The following C10orf67 variants were observed in gnomAD, a reference collection of about 807,000 sequenced individuals.
The protein encoded by C10orf67 is chromosome 10 open reading frame 67.
A neutral mutation model predicts 35.6 loss-of-function variants in C10orf67; 60 were observed. That is an observed-to-expected ratio of 1.68 (90% CI 1.37 to 2.09). The LOEUF is 2.09. Ranked by LOEUF, C10orf67 falls within the 30% of genes most tolerant of loss-of-function variation. C10orf67 has a pLI of 0.00. For synonymous variants in C10orf67, 167 were observed against 115.8 expected (o/e 1.44, Z -2.84); for missense variants, 474 against 330.2 (o/e 1.44, Z -3.38).
intron 13 of C10orf67, among the ~76,000 whole-genome samples, chr10:23,231,951 C>T (rs577614905): frequency 2.2e-4 from 33 of 151,390 alleles, no homozygotes; most frequent in Middle Eastern, 3.4e-3. Context: ...GCTTAAAAAC[C>T]GGCAAAATTC....
chr10:23,266,553 A>G, intron 9 of C10orf67, 127 bp from the exon 10 acceptor site: 2 of 395,982 alleles, frequency 5.1e-6, no homozygotes, highest in Non-Finnish European at 4.4e-6. Flanking sequence ...CCTAGAGCGC[A>G]TGGATTTGTT....
chr10:23,236,777 T>C (rs1377839442), intron 13 of C10orf67, among the ~76,000 whole-genome samples: 1 of 152,092 alleles, frequency 6.6e-6, no homozygotes, highest in East Asian at 1.9e-4. Context: ...CTCAGGAGGC[T>C]GAGGCAGGAG....
chr10:23,213,475 A>G (rs773528890), intron 15 of C10orf67, among the ~76,000 whole-genome samples: 18 of 152,190 alleles, frequency 1.2e-4, no homozygotes, highest in Non-Finnish European at 2.4e-4. Context: ...TATAATCCTA[A>G]GTAGAGGCTC....
chr10:23,317,455 G>C (rs1229514536), intron 4 of C10orf67: 1 of 152,222 alleles, frequency 6.6e-6, no homozygotes, highest in Non-Finnish European at 1.5e-5. Flanking sequence ...CTCAGAAGGT[G>C]AGCACCACTC....
At chr10:23,340,126 T>A (rs1845823686) in intron 1 of C10orf67, among the ~76,000 whole-genome samples, 1 of 151,960 alleles carries the variant, frequency 6.6e-6, no homozygotes, top group South Asian at 2.1e-4. Context: ...TTTTTACCAA[T>A]TTTTTTTCAG....
intron 8 of C10orf67, among the ~76,000 whole-genome samples, chr10:23,277,836 A>T (rs1843237255): frequency 6.6e-6 from 1 of 152,160 alleles, no homozygotes; most frequent in South Asian, 2.1e-4. Flanking sequence ...TGGGTAATTT[A>T]TAGAGAAAAG....
rs1288256551 is a variant in C10orf67, at chr10:23,333,055, G to T, written c.327+7C>A. On this transcript the variant is annotated splice_region_variant and intron_variant, in intron 2 of 15. Transcript: ENST00000636213. ...TCTCAGAAGTTTCAGAACAAATTCA[G>T]ATTTACCTGTGCTAACTTTTGCGTA... is the stretch of plus-strand genomic sequence containing the variant. The T allele has an allele frequency of 6.2e-6, 10 of 1,608,318 alleles. No individual in the cohort carries two copies. The highest frequency in any genetic ancestry group is 5.1e-5 in the Admixed American group (3 of 58,610).
At chr10:23,310,346 G>A (rs969677308) in intron 4 of C10orf67, among the ~76,000 whole-genome samples, 1 of 152,180 alleles carries the variant, frequency 6.6e-6, no homozygotes, top group Non-Finnish European at 1.5e-5. Context: ...AGATTTGGCA[G>A]TCTGCAGTGG....
chr10:23,268,025 T>C (rs1842927206), intron 8 of C10orf67, among the ~76,000 whole-genome samples: 1 of 152,162 alleles, frequency 6.6e-6, no homozygotes, highest in Non-Finnish European at 1.5e-5. Flanking sequence ...CAGTGGCTTA[T>C]GCCTGTAATC....
chr10:23,334,411 G>T (rs1845594650), intron 1 of C10orf67, among the ~76,000 whole-genome samples: 1 of 152,218 alleles, frequency 6.6e-6, no homozygotes, highest in Non-Finnish European at 1.5e-5. Flanking sequence ...AACCACAAAA[G>T]CCCAAGTAGA....
intron 13 of C10orf67, among the ~76,000 whole-genome samples, chr10:23,225,127 G>T (rs972411319): frequency 6.6e-6 from 1 of 152,108 alleles, no homozygotes; most frequent in Admixed American, 6.5e-5. Context: ...GAGAAAGGTC[G>T]GGTTACCCAC....
At chr10:23,252,043 A>C (rs1312532078) in intron 10 of C10orf67, among the ~76,000 whole-genome samples, 1 of 152,214 alleles carries the variant, frequency 6.6e-6, no homozygotes, top group Non-Finnish European at 1.5e-5. Context: ...TAAAAAATGC[A>C]TTTTATTATA....
intron 6 of C10orf67, 65 bp from the exon 7 acceptor site, chr10:23,290,023 G>A: frequency 2.8e-6 from 2 of 708,972 alleles, no homozygotes; most frequent in East Asian, 5.4e-5. Flanking sequence ...TATTTAAACG[G>A]CCTGCTTCAG....
chr10:23,238,790 C>CTA (rs773942696), intron 13 of C10orf67, among the ~76,000 whole-genome samples: 2 of 152,098 alleles, frequency 1.3e-5, no homozygotes, highest in Non-Finnish European at 2.9e-5. Context: ...AAAAAAGACA[C>CTA]TATATATATT....
Position 23,307,608 on chromosome 10 carries a change from GTT to G in C10orf67, c.547-4151_547-4150del, listed in dbSNP as rs56738859. On this transcript the variant is annotated intron_variant, in intron 4 of 15. Coordinates refer to ENST00000636213, the MANE Select transcript of C10orf67 (RefSeq NM_001371909.1). ...TTTATTTATTTAGATTTTTTATTTA[GTT>G]TTTTTTTTTTTTTTTTAAGACAGGG... Among the ~76,000 whole-genome samples, 198 of 135,732 alleles carry G rather than the reference GTT, an allele frequency of 1.5e-3. 1 individual carries two copies. The highest frequency in any genetic ancestry group is 0.011 in the Middle Eastern group (3 of 266). The allele number at this position is 135,732 out of a possible 152,430, so 89.0% of individuals were successfully genotyped here.
At chr10:23,329,900 A>G (rs1845379013) in intron 2 of C10orf67, among the ~76,000 whole-genome samples, 1 of 152,138 alleles carries the variant, frequency 6.6e-6, no homozygotes, top group South Asian at 2.1e-4. Context: ...CAAATAATGC[A>G]GAAATGCAAA....
chr10:23,224,649 C>A (rs1182068261), intron 13 of C10orf67, among the ~76,000 whole-genome samples: 1 of 152,122 alleles, frequency 6.6e-6, no homozygotes, highest in Non-Finnish European at 1.5e-5. Context: ...AGACGAATGG[C>A]TAACTAGAAT....
chr10:23,241,176 C>G (rs1842167792), intron 12 of C10orf67, among the ~76,000 whole-genome samples: 1 of 152,164 alleles, frequency 6.6e-6, no homozygotes, highest in Non-Finnish European at 1.5e-5. Context: ...TACTTTCTCC[C>G]CTTTCAAACA....
At chr10:23,225,919 T>G (rs1175912067) in intron 13 of C10orf67, among the ~76,000 whole-genome samples, 1 of 151,974 alleles carries the variant, frequency 6.6e-6, no homozygotes, top group Non-Finnish European at 1.5e-5. Context: ...ACAATAATAA[T>G]GGGAGACTTT....
Sources: allele counts gnomAD v4.1 joint callset (sites outside exome capture counted in the v4.1 genomes callset), GRCh38; gene constraint gnomAD v4.1.1; transcripts MANE v1.5; gene names NCBI Gene and HGNC (gene_info 2026-07-23, HGNC 2026-07-21).